POU6F1: variants seen among roughly 807,000 people sequenced by gnomAD.
POU6F1 encodes POU domain, class 6, transcription factor 1.
A neutral mutation model predicts 28.9 loss-of-function variants in POU6F1; 9 were observed. The observed-to-expected ratio is 0.31, with a 90% CI of 0.19 to 0.54. The LOEUF is 0.54. Ranked by LOEUF, POU6F1 falls within the 20% of genes least tolerant of loss-of-function variation. The probability of loss-of-function intolerance (pLI) is 0.94; values close to 1 mark genes in which losing one functional copy is unlikely to be tolerated. For missense variants in POU6F1, 338 were observed against 426.1 expected, an observed-to-expected ratio of 0.79 and a Z score of 1.82; for synonymous variants, 173 against 171.1, an observed-to-expected ratio of 1.01 and a Z score of -0.09.
At position 51,190,901 on chromosome 12, in the gene POU6F1, A is replaced by G. The variant is rs1450318782; in HGVS notation, c.1491-309T>C. Among the ~76,000 whole-genome samples the G allele has an allele frequency of 2.7e-4, 1 of 3,702 alleles. No homozygotes were observed. Among genetic ancestry groups the G allele is most frequent in the Non-Finnish European group, 4.4e-4 (1 of 2,282 alleles). The allele number at this position is 3,702 out of a possible 152,430, so 2.4% of individuals were successfully genotyped here. On this transcript the variant is annotated intron_variant, in intron 10 of 10. Coordinates refer to ENST00000333640, the MANE Select transcript of POU6F1 (RefSeq NM_001330422.2). The surrounding 1 kb of genome is among the most constrained non-coding windows in gnomAD (Gnocchi z 4.5). ...CATTCTAGAACGTTCCCCTAAATGA[A>G]TGAAGTCCTTTTGAGGAGTCACCTT... is the stretch of plus-strand genomic sequence containing the variant.
chr12:51,204,480 T>G (rs1943442341), intron 2 of POU6F1, 112 bp from the exon 3 acceptor site: 1 of 397,156 alleles, frequency 2.5e-6, no homozygotes, highest in Non-Finnish European at 4.4e-6. Context: ...GATGCAGACC[T>G]CCTGTCCAGA....
chr12:51,211,627 C>T (rs1943993587), intron 1 of POU6F1, among the ~76,000 whole-genome samples: 1 of 151,996 alleles, frequency 6.6e-6, no homozygotes, highest in Non-Finnish European at 1.5e-5. Context: ...GTGGTACACG[C>T]CTATGGTTCC....
chr12:51,206,591 T>G (rs1220288932), intron 2 of POU6F1, among the ~76,000 whole-genome samples, 198 bp downstream of exon 2: 2 of 152,034 alleles, frequency 1.3e-5, no homozygotes, highest in African/African-American at 4.8e-5. Context: ...ACACTTTGAT[T>G]TTACATCTTA....
intron 1 of POU6F1, among the ~76,000 whole-genome samples, chr12:51,213,023 G>A (rs1326410200): frequency 2.0e-5 from 3 of 150,420 alleles, no homozygotes; most frequent in African/African-American, 2.4e-5. Flanking sequence ...TGCAACCTCC[G>A]CCTCCCAGGT....
intron 1 of POU6F1, among the ~76,000 whole-genome samples, chr12:51,210,825 G>T (rs918690864): frequency 2.6e-5 from 4 of 152,128 alleles, no homozygotes; most frequent in African/African-American, 9.7e-5. Context: ...GACCTCCTTT[G>T]TCTCAGATCT....
rs1942799276 is a variant in POU6F1 at position 51,196,046 on chromosome 12, G to A, written c.1103C>T (p.Thr368Ile). 6.2e-7 allele frequency: 1 copy of A among 1,610,658 alleles called. No individual in the cohort carries two copies. Among genetic ancestry groups the A allele is most frequent in the Non-Finnish European group, 8.5e-7 (1 of 1,179,060 alleles). The change falls in exon 8 of 11, where the codon ACC becomes ATC. Residue 368 changes from threonine to isoleucine, a missense_variant. By Grantham distance (89) the Thr-to-Ile change is moderately conservative. Around this residue, in one of 3 missense-constraint regions of POU6F1, gnomAD observed 206 missense variants for 225.6 expected, o/e 0.91. Transcript: ENST00000333640. ...TGGAGGCAGGGGGCTGCTAGCCAGGGTCGCAATCACCTGGCCCTGGGCGTT... is the reference window on the plus strand; with the variant it reads ...TGGAGGCAGGGGGCTGCTAGCCAGGATCGCAATCACCTGGCCCTGGGCGTT... The part of the protein sequence containing the change: ...LLNAQGQVIA[T>I]LASSPLPPPV...
At chr12:51,196,383 G>A (rs1942828700) in intron 7 of POU6F1, among the ~76,000 whole-genome samples, 1 of 152,210 alleles carries the variant, frequency 6.6e-6, no homozygotes. Flanking sequence ...AGCAGGAATA[G>A]GTCTGGATGT....
Position 51,198,586 on chromosome 12 carries a change from C to A in POU6F1, c.556G>T (p.Gly186Trp). ...LPGLTAASPT[G>W]GVFKPPLAGL... ...GCTAAAGGTGGCTTGAACACTCCCC[C>A]CGTAGGAGAAGCAGCGGTCAGTCCT... The change falls in exon 5 of 11, where the codon GGG (glycine) becomes TGG (tryptophan). Residue 186 changes from glycine to tryptophan, a missense_variant. Physicochemically the swap from Gly to Trp is radical, Grantham distance 184 (BLOSUM62 -2). This residue lies in a region of POU6F1 where 206 missense variants were observed against 225.6 expected (regional missense o/e 0.91). Transcript: ENST00000333640. 2.5e-6 allele frequency: 1 copy of A among 399,254 alleles called. No homozygotes were observed. Among genetic ancestry groups the A allele is most frequent in the East Asian group, 3.6e-5 (1 of 28,068 alleles). 24.7% of individuals were successfully genotyped at this position (399,254 alleles called of 1,614,324 possible). A position where few individuals can be genotyped will look rare whatever the true frequency, so the allele number is the denominator to read the frequency against.
chr12:51,202,736 A>T (rs961369854), intron 3 of POU6F1, among the ~76,000 whole-genome samples: 3 of 152,212 alleles, frequency 2.0e-5, no homozygotes, highest in African/African-American at 7.2e-5. Context: ...AGACAATTTG[A>T]CAATGGCCAA....
At chr12:51,197,025 A>C in intron 6 of POU6F1, 98 bp from the exon 7 acceptor site, 1 of 668,348 alleles carries the variant, frequency 1.5e-6, no homozygotes, top group Non-Finnish European at 2.6e-6. Flanking sequence ...GTAGATGTGA[A>C]TGTGGGCTTC....
At chr12:51,207,823 C>T (rs1943726770) in intron 1 of POU6F1, 1 of 152,216 alleles carries the variant, frequency 6.6e-6, no homozygotes, top group Admixed American at 6.5e-5. Flanking sequence ...TCTCAGGTGA[C>T]TCTGTGACAG....
chr12:51,200,898 G>A (rs1430574773), intron 3 of POU6F1, among the ~76,000 whole-genome samples: 1 of 152,052 alleles, frequency 6.6e-6, no homozygotes, highest in Non-Finnish European at 1.5e-5. Context: ...TCACCATGTT[G>A]GTCAGGCTAG....
At chr12:51,204,520 C>G (rs893646494) in intron 2 of POU6F1, among the ~76,000 whole-genome samples, 152 bp from the exon 3 acceptor site, 3 of 152,102 alleles carry the variant, frequency 2.0e-5, no homozygotes, top group African/African-American at 7.2e-5. Context: ...AATTCCAGAG[C>G]CTGGCGCAGG....
chr12:51,191,884 C>T, intron 9 of POU6F1, 120 bp from the exon 10 acceptor site: 7 of 1,247,842 alleles, frequency 5.6e-6, no homozygotes, highest in Non-Finnish European at 8.0e-6. Flanking sequence ...AAAAGGCTCA[C>T]GCACCTTCAA....
chr12:51,193,864 ATTTC>A (rs1252886265), intron 8 of POU6F1, among the ~76,000 whole-genome samples: 1 of 152,210 alleles, frequency 6.6e-6, no homozygotes, highest in Non-Finnish European at 1.5e-5. Flanking sequence ...GGAAGTACAG[ATTTC>A]TCCAGGATGG....
intron 8 of POU6F1, among the ~76,000 whole-genome samples, chr12:51,194,640 C>CAAA (rs1166055503): frequency 1.3e-5 from 1 of 77,130 alleles, no homozygotes. Flanking sequence ...ACCCTGGTCT[C>CAAA]AAAAAAAAAA....
rs139897060 is a variant in POU6F1, at chr12:51,216,752, A to G, written c.-48+890T>C. On this transcript the variant is annotated intron_variant, in intron 1 of 10. Coordinates refer to ENST00000333640, the MANE Select transcript of POU6F1 (RefSeq NM_001330422.2). ...TACTTTTGGAACAAGGAATTTGGGA[A>G]GGGCAGATGAGGTTAAAAATCTCTG... 6.6e-3 allele frequency among the ~76,000 whole-genome samples: 1,012 copies of G among 152,342 alleles called. 16 individuals carry two copies. The highest frequency in any genetic ancestry group is 5.8e-3 in the Non-Finnish European group (397 of 68,036).
chr12:51,213,333 A>T (rs1235003130), intron 1 of POU6F1, among the ~76,000 whole-genome samples: 1 of 152,090 alleles, frequency 6.6e-6, no homozygotes, highest in Non-Finnish European at 1.5e-5. Flanking sequence ...AGGAAAATGG[A>T]ACTTGTATGG....
chr12:51,196,919 A>G lies in POU6F1; in HGVS notation c.855T>C (p.Ala285=). 3 of 1,575,490 alleles carry G rather than the reference A, an allele frequency of 1.9e-6. No homozygotes were observed. Among genetic ancestry groups the G allele is most frequent in the Non-Finnish European group, 2.6e-6 (3 of 1,146,834 alleles). The change falls in exon 7 of 11, where the codon GCT becomes GCC. Residue 285 remains alanine, a synonymous_variant. Coordinates refer to ENST00000333640, the MANE Select transcript of POU6F1 (RefSeq NM_001330422.2). ...GFAFSPGIIS[A]ASLGGQTQIL... is the part of the protein sequence containing the mutation. ...TCTGGGTCTGTCCCCCGAGGGAAGC[A>G]GCACTGATCTGTGGGTGGAGGAAGA...
Sources: allele counts gnomAD v4.1 joint callset (sites outside exome capture counted in the v4.1 genomes callset), GRCh38; gene constraint gnomAD v4.1.1; regional missense constraint gnomAD v4.1.1; non-coding constraint Gnocchi (gnomAD v3.1); transcripts MANE v1.5; gene names NCBI Gene and HGNC (gene_info 2026-07-23, HGNC 2026-07-21).